The following TTC39C variants were observed in gnomAD, a reference collection of about 807,000 sequenced individuals.
TTC39C encodes tetratricopeptide repeat protein 39C.
TTC39C carries 33 observed loss-of-function variants against 76.3 expected under a neutral mutation model. The ratio of observed to expected loss-of-function variants is 0.43; its 90% confidence interval spans 0.33 to 0.58. The LOEUF (loss-of-function observed/expected upper bound fraction) is 0.58. TTC39C is among the 20% of genes least tolerant of loss of function. The pLI is 0.04. For missense variants in TTC39C, 595 were observed against 701.4 expected, an observed-to-expected ratio of 0.85 and a Z score of 1.71; for synonymous variants, 254 against 260.6, an observed-to-expected ratio of 0.97 and a Z score of 0.24.
At chr18:24,075,423 C>T (rs983239454) in intron 4 of TTC39C, among the ~76,000 whole-genome samples, 3 of 152,026 alleles carry the variant, frequency 2.0e-5, no homozygotes, top group Non-Finnish European at 2.9e-5. Flanking sequence ...CACCTGTGCA[C>T]GGTGGCTCCT....
intron 1 of TTC39C, among the ~76,000 whole-genome samples, chr18:24,037,277 T>C (rs1241299630): frequency 6.6e-6 from 1 of 152,234 alleles, no homozygotes; most frequent in East Asian, 1.9e-4. Flanking sequence ...TTTAGGCTCT[T>C]ACTGTATTGT....
intron 6 of TTC39C, among the ~76,000 whole-genome samples, chr18:24,088,799 G>A (rs1158936529): frequency 6.6e-6 from 1 of 152,174 alleles, no homozygotes; most frequent in African/African-American, 2.4e-5. Context: ...TCAAGAGGGT[G>A]GAGGTTCTTC....
At chr18:24,025,027 C>T (rs902896601) in intron 1 of TTC39C, among the ~76,000 whole-genome samples, 4 of 152,132 alleles carry the variant, frequency 2.6e-5, no homozygotes, top group African/African-American at 7.2e-5. Flanking sequence ...TGCCGCCACA[C>T]CCGGCTAATT....
chr18:24,104,470 G>A (rs2084719178), intron 6 of TTC39C, among the ~76,000 whole-genome samples: 1 of 152,132 alleles, frequency 6.6e-6, no homozygotes, highest in Admixed American at 6.6e-5. Context: ...ACTTCCTTGA[G>A]TTTGTTCAGA....
intron 8 of TTC39C, 74 bp from the exon 9 acceptor site, chr18:24,123,760 A>G (rs2085008915): frequency 1.9e-6 from 2 of 1,051,042 alleles, no homozygotes; most frequent in Admixed American, 2.6e-5. Context: ...TTTTTCAAGT[A>G]TCATCACTTC....
At chr18:24,065,619 G>A (rs2084156314) in intron 2 of TTC39C, among the ~76,000 whole-genome samples, 1 of 152,222 alleles carries the variant, frequency 6.6e-6, no homozygotes, top group African/African-American at 2.4e-5. Flanking sequence ...TAGCATTTCT[G>A]TGCAGTAGTT....
intron 6 of TTC39C, among the ~76,000 whole-genome samples, chr18:24,098,540 C>G: frequency 2.2e-5 from 2 of 92,092 alleles, no homozygotes; most frequent in Non-Finnish European, 4.4e-5. Flanking sequence ...CCCCTCCCCT[C>G]CCCTCCCCTC....
chr18:24,037,157 G>C (rs1176872837), intron 1 of TTC39C, among the ~76,000 whole-genome samples: 1 of 152,142 alleles, frequency 6.6e-6, no homozygotes, highest in Non-Finnish European at 1.5e-5. Context: ...TATGATGTTA[G>C]CTGTGGGTTT....
chr18:24,026,911 G>A (rs1043661532), intron 1 of TTC39C, among the ~76,000 whole-genome samples: 1 of 152,096 alleles, frequency 6.6e-6, no homozygotes, highest in Admixed American at 6.5e-5. Flanking sequence ...AAACTCTTTG[G>A]TACTATTCTA....
intron 10 of TTC39C, 41 bp from the exon 11 acceptor site, chr18:24,128,845 T>C: frequency 6.7e-7 from 1 of 1,485,420 alleles, no homozygotes; most frequent in Non-Finnish European, 9.3e-7. Context: ...ATTAAGTGAA[T>C]GCATTTGCTT....
chr18:24,055,442 G>A (rs1976128), intron 1 of TTC39C, among the ~76,000 whole-genome samples: 69,074 of 151,988 alleles, frequency 0.45, 17,907 homozygotes, highest in Non-Finnish European at 0.59. Context: ...GGTGTGAGGT[G>A]GTGTCTCATT....
chr18:24,071,821 G>A (rs12455733), intron 4 of TTC39C, among the ~76,000 whole-genome samples: 2,346 of 152,210 alleles, frequency 0.015, 53 homozygotes, highest in East Asian at 0.12. Context: ...CTAATAGTTT[G>A]ATATTATTGT....
Position 24,082,913 on chromosome 18 carries a change from A to T in TTC39C, c.816A>T (p.Thr272=), listed in dbSNP as rs1242961028. 3 of 1,594,476 alleles carry T rather than the reference A, an allele frequency of 1.9e-6. No individual in the cohort carries two copies. The highest frequency in any genetic ancestry group is 1.7e-5 in the Admixed American group (1 of 57,250). ...ESKDMKAPLA[T]LALLWYHTVV... ...AATGTTTCTCTCCCTCTTCCTCTAG[A>T]TTAGCTCTGCTCTGGTATCATACTG... The change falls in exon 6 of 14, where the codon ACA becomes ACT. Residue 272 remains threonine (T), a splice_region_variant and synonymous_variant. Coordinates refer to ENST00000317571, the MANE Select transcript of TTC39C (RefSeq NM_001135993.2).
At chr18:24,115,634 GT>G (rs2084881509) in intron 7 of TTC39C, among the ~76,000 whole-genome samples, 1 of 152,244 alleles carries the variant, frequency 6.6e-6, no homozygotes, top group Non-Finnish European at 1.5e-5. Flanking sequence ...ACACCTGTCA[GT>G]TTGGGGGGTC....
In TTC39C at chr18:24,131,020, CAAAAAAAAAAAAAAAAAAAA is replaced by C. The variant is rs59161044; in HGVS notation, c.1623+621_1623+640del. ...GCAACAAAGTGAAACCTCATCTCTGCAAAAAAAAAAAAAAAAAAAAAAAAAAAAAAAAAAAAATCAAAAAA... is the reference window on the plus strand; with the variant it reads ...GCAACAAAGTGAAACCTCATCTCTGCAAAAAAAAAAAAAAAAATCAAAAAA... On this transcript the variant is annotated intron_variant, in intron 12 of 13. Coordinates refer to ENST00000317571, the MANE Select transcript of TTC39C (RefSeq NM_001135993.2). 8.3e-4 allele frequency among the ~76,000 whole-genome samples: 12 copies of C among 14,412 alleles called. 1 individual carries two copies. Among genetic ancestry groups the C allele is most frequent in the East Asian group, 4.1e-3 (1 of 242 alleles). 9.5% of individuals were successfully genotyped at this position (14,412 alleles called of 152,430 possible).
intron 1 of TTC39C, among the ~76,000 whole-genome samples, chr18:24,039,410 A>G (rs1398876017): frequency 6.6e-6 from 1 of 152,230 alleles, no homozygotes. Flanking sequence ...GTGGACACAC[A>G]TGATAGGTGG....
intron 1 of TTC39C, chr18:24,022,607 A>G: frequency 3.0e-6 from 3 of 985,384 alleles, no homozygotes; most frequent in Non-Finnish European, 3.6e-6. Flanking sequence ...TCCTTCAGTA[A>G]TATGCAGATT....
intron 1 of TTC39C, among the ~76,000 whole-genome samples, chr18:24,044,809 C>T (rs538653410): frequency 1.6e-4 from 25 of 152,264 alleles, no homozygotes; most frequent in Middle Eastern, 3.4e-3. Context: ...TATTTGTTTT[C>T]GGAAAGATTT....
At chr18:24,065,880 T>G (rs532258845) in intron 2 of TTC39C, 132 bp from the exon 3 acceptor site, 25 of 906,406 alleles carry the variant, frequency 2.8e-5, no homozygotes, top group Non-Finnish European at 3.9e-5. Context: ...TAGATTATGC[T>G]GTAACATTGT....
Sources: allele counts gnomAD v4.1 joint callset (sites outside exome capture counted in the v4.1 genomes callset), GRCh38; gene constraint gnomAD v4.1.1; transcripts MANE v1.5; gene names NCBI Gene and HGNC (gene_info 2026-07-23, HGNC 2026-07-21).